The following CRMP1 variants were observed in gnomAD, a reference collection of about 807,000 sequenced individuals.
CRMP1 encodes collapsin response mediator protein 1, also known as dihydropyrimidinase-related protein 1.
In CRMP1, 19 loss-of-function variants were observed where a neutral mutation model predicts 68.3. That is an observed-to-expected ratio of 0.28 (90% CI 0.19 to 0.41). CRMP1 has a LOEUF of 0.41. CRMP1 is among the 10% of genes least tolerant of loss of function. The pLI, the probability that CRMP1 is intolerant of heterozygous loss-of-function variation, is 1.00. For synonymous variants in CRMP1, 439 were observed against 399.6 expected (o/e 1.10, Z -1.18); for missense variants, 791 against 967.4 (o/e 0.82, Z 2.42).
chr4:5,888,273 C>T lies in CRMP1; in HGVS notation c.381+4316G>A. ...TCTTGCCCTGGTACGACATGGCCCC[C>T]TCTGGCGCCCTCGGCCCGGCCGCTG... On this transcript the variant is annotated intron_variant, in intron 1 of 13. Transcript: ENST00000324989. This position sits in a 1 kb window ranked among gnomAD's most constrained non-coding sequence, Gnocchi z 6.4. 6 of 1,274,072 alleles carry T rather than the reference C, an allele frequency of 4.7e-6. No homozygotes were observed. Among genetic ancestry groups the T allele is most frequent in the Non-Finnish European group, 6.0e-6 (6 of 1,003,252 alleles). 78.9% of individuals were successfully genotyped at this position (1,274,072 alleles called of 1,614,324 possible). A position where few individuals can be genotyped will look rare whatever the true frequency, so the allele number is the denominator to read the frequency against.
At chr4:5,836,952 G>C (rs1311451085) in intron 9 of CRMP1, 46 bp from the exon 10 acceptor site, 18 of 1,553,142 alleles carry the variant, frequency 1.2e-5, no homozygotes, top group Non-Finnish European at 1.6e-5. Context: ...AGTTCATTTT[G>C]AAGGCAAATC....
In CRMP1 at chr4:5,865,733, C is replaced by A. The variant is rs1161623244; in HGVS notation, c.470+935G>T. Among the ~76,000 whole-genome samples the A allele has an allele frequency of 6.6e-6, 1 of 152,070 alleles. No individual in the cohort carries two copies. Among genetic ancestry groups the A allele is most frequent in the Non-Finnish European group, 1.5e-5 (1 of 68,024 alleles). On this transcript the variant is annotated intron_variant, in intron 2 of 13. Coordinates refer to ENST00000324989, the MANE Select transcript of CRMP1 (RefSeq NM_001014809.3). This position sits in a 1 kb window ranked among gnomAD's most constrained non-coding sequence, Gnocchi z 4.1. ...GCCCCAGCCCACCCCATGGGACTAC[C>A]TTTAGCGACAGGGCCTTTAAGGAGG...
intron 1 of CRMP1, among the ~76,000 whole-genome samples, chr4:5,869,931 C>T (rs888026506): frequency 3.3e-5 from 5 of 152,114 alleles, no homozygotes; most frequent in Admixed American, 6.6e-5. Context: ...AGGAAGTGCA[C>T]AGAAGGCACT....
chr4:5,849,265 T>C (rs1052336323), intron 6 of CRMP1, 127 bp downstream of exon 6: 12 of 725,066 alleles, frequency 1.7e-5, no homozygotes, highest in Non-Finnish European at 2.9e-5. Flanking sequence ...GTGTCTGATA[T>C]GACACCCAGT....
At position 5,853,415 on chromosome 4, in the gene CRMP1, G is replaced by GA. The variant is rs1264455134; in HGVS notation, c.821-1947dup. The stretch of plus-strand genomic sequence containing the variant: ...TAAGACTCCATCAGAAGGAAAGAAA[G>GA]AAAGAGCTGCATCTAAGAGATAGCA... On this transcript the variant is annotated intron_variant, in intron 4 of 13. Coordinates refer to ENST00000324989, the MANE Select transcript of CRMP1 (RefSeq NM_001014809.3). This position sits in a 1 kb window ranked among gnomAD's most constrained non-coding sequence, Gnocchi z 4.7. Among the ~76,000 whole-genome samples, 1 of 152,134 alleles carries GA rather than the reference G, an allele frequency of 6.6e-6. No individual in the cohort carries two copies. The highest frequency in any genetic ancestry group is 1.5e-5 in the Non-Finnish European group (1 of 68,030).
chr4:5,840,348 A>G (rs1056498053), intron 8 of CRMP1, among the ~76,000 whole-genome samples: 2 of 152,198 alleles, frequency 1.3e-5, no homozygotes, highest in Non-Finnish European at 1.5e-5. Context: ...TCTTCCAGAA[A>G]AGCCTGCAGG....
chr4:5,831,570 A>G (rs572502475), intron 11 of CRMP1, among the ~76,000 whole-genome samples: 1 of 152,240 alleles, frequency 6.6e-6, no homozygotes, highest in African/African-American at 2.4e-5. Context: ...TGGATTGTGA[A>G]TGCGGAGGGG....
At chr4:5,844,413 G>A (rs1043569839) in intron 6 of CRMP1, among the ~76,000 whole-genome samples, 5 of 152,036 alleles carry the variant, frequency 3.3e-5, no homozygotes, top group African/African-American at 1.2e-4. Flanking sequence ...AAGCCAGGAG[G>A]GAGGGAGAAG....
chr4:5,857,058 T>TCACCACCATCTCC (rs1713168933), intron 3 of CRMP1, among the ~76,000 whole-genome samples: 1 of 135,960 alleles, frequency 7.4e-6, no homozygotes, highest in African/African-American at 2.9e-5. Context: ...ACCACTATCA[T>TCACCACCATCTCC]TATCACCCCA....
At position 5,825,919 on chromosome 4, in the gene CRMP1, C is replaced by T. The variant is rs879389667; in HGVS notation, c.1804-260G>A. ...CATACAGACGCACACACCACGCACACGCACTCACATACATGCAGTCATGCA... is the reference window on the plus strand; with the variant it reads ...CATACAGACGCACACACCACGCACATGCACTCACATACATGCAGTCATGCA... On this transcript the variant is annotated intron_variant, in intron 12 of 13. Transcript: ENST00000324989. This position sits in a 1 kb window ranked among gnomAD's most constrained non-coding sequence, Gnocchi z 4.4. 0.036 allele frequency: 18,433 copies of T among 506,734 alleles called. 431 individuals are homozygous for T. Among genetic ancestry groups the T allele is most frequent in the African/African-American group, 0.056 (2,779 of 49,614 alleles). The allele number at this position is 506,734 out of a possible 1,614,324, so 31.4% of individuals were successfully genotyped here. A position where few individuals can be genotyped will look rare whatever the true frequency, so the allele number is the denominator to read the frequency against.
chr4:5,849,553 C>T, intron 5 of CRMP1, 81 bp from the exon 6 acceptor site: 7 of 915,202 alleles, frequency 7.6e-6, no homozygotes, highest in Admixed American at 2.1e-5. Flanking sequence ...AAGACCGTTC[C>T]GATCACACCC....
chr4:5,889,220 G>T lies in CRMP1; in HGVS notation c.381+3369C>A, dbSNP rs1715829756. 6.6e-6 allele frequency among the ~76,000 whole-genome samples: 1 copy of T among 152,138 alleles called. No homozygotes were observed. The highest frequency in any genetic ancestry group is 6.5e-5 in the Admixed American group (1 of 15,276). On this transcript the variant is annotated intron_variant, in intron 1 of 13. Transcript: ENST00000324989. The surrounding 1 kb of genome is among the most constrained non-coding windows in gnomAD (Gnocchi z 4.5). ...GGAACAGCAGGGACAGAAGGGTACG[G>T]CCTTAATTAATGCTGACCTGTTCTA...
chr4:5,892,124 C>G lies in CRMP1; in HGVS notation c.381+465G>C, dbSNP rs1299460754. Among the ~76,000 whole-genome samples, 1 of 152,230 alleles carries G rather than the reference C, an allele frequency of 6.6e-6. No individual in the cohort carries two copies. The highest frequency in any genetic ancestry group is 1.5e-5 in the Non-Finnish European group (1 of 68,032). Reference sequence around the variant, plus strand: ...TGGCCGCAGGCGACTCGCGGAACCTCTCCCGGGGCCCGGCACACAGTAGGT... The same window carrying G: ...TGGCCGCAGGCGACTCGCGGAACCTGTCCCGGGGCCCGGCACACAGTAGGT... On this transcript the variant is annotated intron_variant, in intron 1 of 13. Coordinates refer to ENST00000324989, the MANE Select transcript of CRMP1 (RefSeq NM_001014809.3). The surrounding 1 kb of genome is among the most constrained non-coding windows in gnomAD (Gnocchi z 8.6).
chr4:5,875,433 C>A (rs966827304), intron 1 of CRMP1, among the ~76,000 whole-genome samples: 4 of 149,958 alleles, frequency 2.7e-5, no homozygotes, highest in African/African-American at 4.9e-5. Context: ...GGATGCTATT[C>A]TTATCCAATC....
At chr4:5,835,598 C>T (rs3821937) in intron 11 of CRMP1, among the ~76,000 whole-genome samples, 32,756 of 152,170 alleles carry the variant, frequency 0.22, 3,630 homozygotes, top group African/African-American at 0.25. Context: ...TACTTTCCCT[C>T]GCTGAGCCCT....
At chr4:5,864,080 C>G (rs1228858282) in intron 2 of CRMP1, among the ~76,000 whole-genome samples, 1 of 152,194 alleles carries the variant, frequency 6.6e-6, no homozygotes, top group Non-Finnish European at 1.5e-5. Context: ...GCCTGGTTAG[C>G]CGGAGTCCTA....
chr4:5,867,518 T>C (rs891547340), intron 1 of CRMP1, among the ~76,000 whole-genome samples: 1 of 152,230 alleles, frequency 6.6e-6, no homozygotes, highest in Non-Finnish European at 1.5e-5. Flanking sequence ...GTTGACATTC[T>C]GATGTCTCCC....
chr4:5,857,869 G>A (rs528397173), intron 3 of CRMP1, among the ~76,000 whole-genome samples: 92 of 152,050 alleles, frequency 6.1e-4, no homozygotes, highest in Non-Finnish European at 1.1e-3. Context: ...ATGTAAAGTA[G>A]ATGAGAAAGG....
rs752479927 is a variant in CRMP1, at chr4:5,821,686, C to T, written c.*74G>A. ...CAGCACCAACTAAAACTGTGGGTTT[C>T]AAAAACACTGACAGGAAAAGGGATG... On this transcript the variant is annotated 3_prime_UTR_variant, in exon 14 of 14. Transcript: ENST00000324989. The surrounding 1 kb of genome is among the most constrained non-coding windows in gnomAD (Gnocchi z 4.4). The T allele has an allele frequency of 5.8e-5, 83 of 1,437,002 alleles. No individual in the cohort carries two copies. Among genetic ancestry groups the T allele is most frequent in the Non-Finnish European group, 7.7e-5 (81 of 1,052,334 alleles). The allele number at this position is 1,437,002 out of a possible 1,614,324, so 89.0% of individuals were successfully genotyped here.
Sources: gnomAD v4.1 joint callset for allele counts (sites outside exome capture counted in the v4.1 genomes callset) on GRCh38, gnomAD v4.1.1 for gene constraint, Gnocchi (gnomAD v3.1) non-coding constraint, MANE v1.5 for transcripts, NCBI Gene and HGNC (gene_info 2026-07-23, HGNC 2026-07-21) for gene names.